The following USP34 variants were observed in gnomAD, a reference collection of about 807,000 sequenced individuals.
The protein encoded by USP34 is ubiquitin carboxyl-terminal hydrolase 34.
Under a neutral mutation model 460.3 loss-of-function variants are expected in USP34, and 70 were observed. That is an observed-to-expected ratio of 0.15 (90% CI 0.13 to 0.19). The LOEUF is 0.19. Ranked by LOEUF, USP34 falls within the 10% of genes least tolerant of loss-of-function variation. The probability of loss-of-function intolerance (pLI) is 1.00; values close to 1 mark genes in which losing one functional copy is unlikely to be tolerated. For missense variants in USP34, 3,985 were observed against 4,236.2 expected, an observed-to-expected ratio of 0.94 and a Z score of 1.65; for synonymous variants, 1,647 against 1,405.3, an observed-to-expected ratio of 1.17 and a Z score of -3.85.
In USP34 at chr2:61,469,346, A is replaced by C. The variant is rs953235490; in HGVS notation, c.43+1304T>G. Among the ~76,000 whole-genome samples the C allele has an allele frequency of 2.0e-5, 3 of 152,256 alleles. No homozygotes were observed. The East Asian group carries it at 5.8e-4, about 29-fold the overall frequency. On this transcript the variant is annotated intron_variant, in intron 1 of 79. Coordinates refer to ENST00000398571, the MANE Select transcript of USP34 (RefSeq NM_014709.4). ...TTGTATGTGAGATATAAAACACAGT[A>C]AGTATTGAGGATTTAAGTTTATCAT... is the stretch of plus-strand genomic sequence containing the variant.
Position 61,441,021 on chromosome 2 carries a change from G to A in USP34, c.44-20188C>T, listed in dbSNP as rs550840536. ...CAGGTGCCTGTAGTCCCAGCTACTC[G>A]GGAGGCTGAGGCAGGAGAATGGCAT... On this transcript the variant is annotated intron_variant, in intron 1 of 79. Coordinates refer to ENST00000398571, the MANE Select transcript of USP34 (RefSeq NM_014709.4). 7.9e-5 allele frequency among the ~76,000 whole-genome samples: 12 copies of A among 151,724 alleles called. No homozygotes were observed. In the South Asian group the frequency reaches 1.0e-3, roughly 13 times the overall value.
intron 27 of USP34, among the ~76,000 whole-genome samples, chr2:61,309,441 A>T (rs1457512338): frequency 2.0e-5 from 3 of 152,208 alleles, no homozygotes; most frequent in African/African-American, 7.2e-5. Flanking sequence ...GCTGTGCACC[A>T]AATTTGAGGA....
intron 10 of USP34, among the ~76,000 whole-genome samples, chr2:61,352,832 T>C (rs1467529327): frequency 6.6e-6 from 1 of 151,264 alleles, no homozygotes. Context: ...GAAACAAAGA[T>C]GACGAAGAGG....
At chr2:61,393,252 G>A (rs1169990324) in intron 5 of USP34, among the ~76,000 whole-genome samples, 1 of 151,782 alleles carries the variant, frequency 6.6e-6, no homozygotes, top group Non-Finnish European at 1.5e-5. Flanking sequence ...CCAACATGGT[G>A]AAACCCAATC....
chr2:61,286,824 C>T (rs907864167), intron 34 of USP34, among the ~76,000 whole-genome samples: 1 of 152,056 alleles, frequency 6.6e-6, no homozygotes, highest in Non-Finnish European at 1.5e-5. Context: ...AACCAATAAC[C>T]TATAAACCTC....
intron 10 of USP34, among the ~76,000 whole-genome samples, chr2:61,366,354 G>T (rs755355878): frequency 6.6e-6 from 1 of 152,198 alleles, no homozygotes; most frequent in Non-Finnish European, 1.5e-5. Flanking sequence ...CTCAGAATAA[G>T]AGATTTGATG....
intron 41 of USP34, among the ~76,000 whole-genome samples, chr2:61,276,364 T>C (rs191513945): frequency 6.1e-4 from 93 of 152,344 alleles, no homozygotes; most frequent in African/African-American, 2.2e-3. Flanking sequence ...AGATTTAAAT[T>C]ATTGCCTCTT....
At chr2:61,214,753 C>G in intron 67 of USP34, 59 bp from the exon 68 acceptor site, 1 of 1,553,474 alleles carries the variant, frequency 6.4e-7, no homozygotes. Flanking sequence ...GACTGAACAG[C>G]AGTCATTAAT....
intron 5 of USP34, among the ~76,000 whole-genome samples, chr2:61,392,289 C>CAG (rs1178713551): frequency 1.3e-5 from 2 of 152,094 alleles, no homozygotes; most frequent in African/African-American, 4.8e-5. Flanking sequence ...TCAGCTGCTA[C>CAG]TACCGCACAG....
chr2:61,196,069 ATTTT>A (rs71403398), intron 75 of USP34, among the ~76,000 whole-genome samples: 537 of 41,478 alleles, frequency 0.013, 1 homozygote, highest in African/African-American at 0.054. Context: ...ACCATGCACG[ATTTT>A]TTTTTTTTTT....
chr2:61,424,522 T>C (rs1694453218), intron 1 of USP34, among the ~76,000 whole-genome samples: 1 of 152,162 alleles, frequency 6.6e-6, no homozygotes. Context: ...ATGAAAAAGT[T>C]GTAGAGATTT....
chr2:61,391,265 G>A (rs919069741), intron 5 of USP34, among the ~76,000 whole-genome samples: 1 of 152,040 alleles, frequency 6.6e-6, no homozygotes, highest in Non-Finnish European at 1.5e-5. Flanking sequence ...GGGGAACATG[G>A]TGAAACACTA....
chr2:61,347,123 G>A (rs913870201), intron 15 of USP34, among the ~76,000 whole-genome samples: 4 of 152,196 alleles, frequency 2.6e-5, no homozygotes, highest in East Asian at 1.9e-4. Context: ...CTGGGCAACA[G>A]AGCGAGACCC....
chr2:61,405,715 G>A lies in USP34; in HGVS notation c.545C>T (p.Thr182Ile), dbSNP rs370343440. 6.5e-6 allele frequency: 10 copies of A among 1,542,076 alleles called. No individual in the cohort carries two copies. In the African/African-American group the frequency reaches 1.1e-4, roughly 17 times the overall value. Reference protein sequence around the residue: ...YTAYKHNTHPTIEDISTQESN... With the variant: ...YTAYKHNTHPIIEDISTQESN... Reference sequence around the variant, plus strand: ...ACCACCTATTTTACATACCTCAATAGTAGGGTGAGTATTATGCTTGTAAGC... The same window carrying A: ...ACCACCTATTTTACATACCTCAATAATAGGGTGAGTATTATGCTTGTAAGC... The change falls in exon 3 of 80, where the codon ACT becomes ATT. Residue 182 changes from threonine to isoleucine, a missense_variant. Thr to Ile is a moderately conservative substitution (Grantham distance 89, BLOSUM62 -1). Transcript: ENST00000398571.
intron 51 of USP34, 100 bp downstream of exon 51, chr2:61,245,110 G>A: frequency 2.7e-6 from 2 of 733,242 alleles, no homozygotes; most frequent in South Asian, 2.3e-5. Flanking sequence ...TTTAATCATA[G>A]CAATTAAAAG....
At chr2:61,415,959 G>A (rs1464336701) in intron 2 of USP34, among the ~76,000 whole-genome samples, 1 of 152,154 alleles carries the variant, frequency 6.6e-6, no homozygotes, top group Non-Finnish European at 1.5e-5. Flanking sequence ...ACATTCATGA[G>A]GAATCTACAT....
chr2:61,210,614 G>A (rs1398536137), intron 69 of USP34, among the ~76,000 whole-genome samples: 1 of 152,202 alleles, frequency 6.6e-6, no homozygotes, highest in Admixed American at 6.5e-5. Flanking sequence ...CTGTTAACAG[G>A]TCTTCTTTCA....
chr2:61,468,604 C>G (rs573921514), intron 1 of USP34, among the ~76,000 whole-genome samples: 2 of 152,290 alleles, frequency 1.3e-5, no homozygotes, highest in Admixed American at 6.5e-5. Flanking sequence ...GGCTTACACA[C>G]AAATAGAAAA....
intron 23 of USP34, among the ~76,000 whole-genome samples, chr2:61,315,438 T>A (rs1269380228): frequency 6.6e-6 from 1 of 151,814 alleles, no homozygotes; most frequent in East Asian, 1.9e-4. Flanking sequence ...AGTGGCGCAA[T>A]CTTGGCTCAC....
Sources: gnomAD v4.1 joint callset for allele counts (sites outside exome capture counted in the v4.1 genomes callset) on GRCh38, gnomAD v4.1.1 for gene constraint, MANE v1.5 for transcripts, NCBI Gene and HGNC (gene_info 2026-07-23, HGNC 2026-07-21) for gene names.